SDK2: variants seen among roughly 807,000 people sequenced by gnomAD.
The protein encoded by SDK2 is protein sidekick-2.
A neutral mutation model predicts 253.9 loss-of-function variants in SDK2; 105 were observed. The ratio of observed to expected loss-of-function variants is 0.41; its 90% CI spans 0.35 to 0.49. The LOEUF is 0.49. Ranked by LOEUF, SDK2 falls within the 20% of genes least tolerant of loss-of-function variation. The pLI, the probability that SDK2 is intolerant of heterozygous loss-of-function variation, is 0.06. For synonymous variants in SDK2, 1,249 were observed against 1,234.9 expected (o/e 1.01, Z -0.24); for missense variants, 2,608 against 3,003.0 (o/e 0.87, Z 3.07).
intron 1 of SDK2, among the ~76,000 whole-genome samples, chr17:73,513,327 A>C (rs1437551935): frequency 6.6e-6 from 1 of 152,246 alleles, no homozygotes. Context: ...GCAGAAGAGA[A>C]TTACAAATGC....
At chr17:73,558,813 A>T (rs2045184571) in intron 1 of SDK2, among the ~76,000 whole-genome samples, 4 of 151,870 alleles carry the variant, frequency 2.6e-5, no homozygotes, top group Admixed American at 2.6e-4. Context: ...TGGGGTCTCA[A>T]CCCTCCCCCT....
chr17:73,623,105 C>T (rs1241410383), intron 1 of SDK2, among the ~76,000 whole-genome samples: 1 of 152,216 alleles, frequency 6.6e-6, no homozygotes, highest in East Asian at 1.9e-4. Flanking sequence ...TTTCTGATGC[C>T]CCCATGAGGA....
chr17:73,451,507 A>T (rs1160780931), intron 4 of SDK2, among the ~76,000 whole-genome samples: 1 of 152,186 alleles, frequency 6.6e-6, no homozygotes, highest in Non-Finnish European at 1.5e-5. Context: ...TCCATCTCAA[A>T]ACAAAAACAT....
At chr17:73,567,837 C>T (rs1011215264) in intron 1 of SDK2, among the ~76,000 whole-genome samples, 4 of 152,218 alleles carry the variant, frequency 2.6e-5, no homozygotes, top group African/African-American at 9.7e-5. Flanking sequence ...ATGCCTGTAC[C>T]ACCATTGTAT....
chr17:73,545,099 G>GCACGCACACACACACACA (rs1555601161), intron 1 of SDK2, among the ~76,000 whole-genome samples: 1 of 145,716 alleles, frequency 6.9e-6, no homozygotes, highest in African/African-American at 2.6e-5. Flanking sequence ...GCACGTGCAC[G>GCACGCACACACACACACA]CACACACACA....
rs370025896 is a variant in SDK2, at chr17:73,627,957, CA to C, written c.64+16067del. Among the ~76,000 whole-genome samples, 553 of 152,312 alleles carry C rather than the reference CA, an allele frequency of 3.6e-3. 5 individuals are homozygous for C. The highest frequency in any genetic ancestry group is 0.012 in the African/African-American group (519 of 41,568). ...GTCCCAGCTACTCGGGAGGCTGAGGCAGGAGAATGGCATGAACCCGGGAGGC... is the reference window on the plus strand; with the variant it reads ...GTCCCAGCTACTCGGGAGGCTGAGGCGGAGAATGGCATGAACCCGGGAGGC... On this transcript the variant is annotated intron_variant, in intron 1 of 44. Coordinates refer to ENST00000392650, the MANE Select transcript of SDK2 (RefSeq NM_001144952.2).
chr17:73,444,997 A>G (rs2063442928), intron 5 of SDK2, among the ~76,000 whole-genome samples: 1 of 152,212 alleles, frequency 6.6e-6, no homozygotes. Flanking sequence ...TTTAATTAAG[A>G]ATGGATCCCC....
At position 73,639,654 on chromosome 17, in the gene SDK2, A is replaced by G. The variant is rs972028455; in HGVS notation, c.64+4371T>C. Among the ~76,000 whole-genome samples the G allele has an allele frequency of 3.3e-5, 5 of 152,112 alleles. No individual in the cohort carries two copies. The highest frequency in any genetic ancestry group is 3.3e-4 in the Admixed American group (5 of 15,276). ...GGGGTAGAAACCCCGCAGGGCGCAC[A>G]CTAACACCCGACATCAATTCCAACT... On this transcript the variant is annotated intron_variant, in intron 1 of 44. Coordinates refer to ENST00000392650, the MANE Select transcript of SDK2 (RefSeq NM_001144952.2). The surrounding 1 kb of genome is among the most constrained non-coding windows in gnomAD (Gnocchi z 4.3).
rs79932683 is a variant in SDK2 at position 73,548,100 on chromosome 17, C to T, written c.65-40503G>A. 9.0e-3 allele frequency among the ~76,000 whole-genome samples: 1,375 copies of T among 152,286 alleles called. 10 individuals are homozygous for T. The highest frequency in any genetic ancestry group is 0.031 in the African/African-American group (1,301 of 41,546). On this transcript the variant is annotated intron_variant, in intron 1 of 44. Transcript: ENST00000392650. ...CCCACCAGGCCCCCCACCTTTAACA[C>T]GTGGGGATTACAATTCCACATGAGA...
intron 1 of SDK2, among the ~76,000 whole-genome samples, chr17:73,583,372 G>A (rs971614221): frequency 2.0e-5 from 3 of 152,116 alleles, no homozygotes; most frequent in Admixed American, 6.6e-5. Context: ...TCTCCCACTC[G>A]GGTGAGCACT....
At chr17:73,544,617 AATGGATGG>A (rs150325023) in intron 1 of SDK2, among the ~76,000 whole-genome samples, 2 of 152,142 alleles carry the variant, frequency 1.3e-5, no homozygotes, top group African/African-American at 2.4e-5. Context: ...ACAGATGGAT[AATGGATGG>A]ATGGATGGAT....
intron 44 of SDK2, among the ~76,000 whole-genome samples, chr17:73,339,339 G>A (rs1449921534): frequency 6.6e-6 from 1 of 150,536 alleles, no homozygotes. Context: ...CAATTCTCCT[G>A]CCTCAGCCTC....
chr17:73,408,879 C>T (rs1260127904), intron 18 of SDK2, among the ~76,000 whole-genome samples: 2 of 152,172 alleles, frequency 1.3e-5, no homozygotes, highest in Admixed American at 1.3e-4. Context: ...AATTTGAAGG[C>T]TGACTGGATA....
chr17:73,401,880 G>T, intron 19 of SDK2, 66 bp downstream of exon 19: 1 of 1,407,856 alleles, frequency 7.1e-7, no homozygotes, highest in Non-Finnish European at 9.7e-7. Flanking sequence ...CCACCCTTCT[G>T]CCTGGGGCGC....
At chr17:73,401,805 G>T in intron 19 of SDK2, 53 bp from the exon 20 acceptor site, 1 of 1,496,458 alleles carries the variant, frequency 6.7e-7, no homozygotes, top group Non-Finnish European at 9.1e-7. Flanking sequence ...GCCAGAGAGA[G>T]ACCACCATCT....
Position 73,415,063 on chromosome 17 carries a change from C to G in SDK2, c.2369-304G>C, listed in dbSNP as rs550012287. Reference sequence around the variant, plus strand: ...TAAAAGTAAGCTGTTTCATGATCTACTTAACATGAAATTCACAGAAGGTCC... The same window carrying G: ...TAAAAGTAAGCTGTTTCATGATCTAGTTAACATGAAATTCACAGAAGGTCC... On this transcript the variant is annotated intron_variant, in intron 17 of 44. Coordinates refer to ENST00000392650, the MANE Select transcript of SDK2 (RefSeq NM_001144952.2). Among the ~76,000 whole-genome samples the G allele has an allele frequency of 1.1e-4, 17 of 152,112 alleles. No individual in the cohort carries two copies. The South Asian group carries it at 2.3e-3, about 20-fold the overall frequency.
intron 18 of SDK2, among the ~76,000 whole-genome samples, chr17:73,414,101 C>A (rs1223247896): frequency 2.7e-5 from 4 of 150,564 alleles, no homozygotes; most frequent in Non-Finnish European, 5.9e-5. Context: ...GGGTGTAGTG[C>A]AATGGCTGCA....
chr17:73,433,703 C>T, intron 10 of SDK2, 29 bp downstream of exon 10: 7 of 1,510,732 alleles, frequency 4.6e-6, no homozygotes, highest in Non-Finnish European at 6.3e-6. Flanking sequence ...ATCACCCAGC[C>T]ACACTCTCTG....
At chr17:73,633,112 G>A (rs2046289644) in intron 1 of SDK2, among the ~76,000 whole-genome samples, 1 of 130,552 alleles carries the variant, frequency 7.7e-6, no homozygotes, top group Non-Finnish European at 1.6e-5. Flanking sequence ...GCAAGACCCT[G>A]TATCTACAAA....
Sources: allele counts gnomAD v4.1 joint callset (sites outside exome capture counted in the v4.1 genomes callset), GRCh38; gene constraint gnomAD v4.1.1; non-coding constraint Gnocchi (gnomAD v3.1); transcripts MANE v1.5; gene names NCBI Gene and HGNC (gene_info 2026-07-23, HGNC 2026-07-21).